The following RARB variants were observed in gnomAD, a reference collection of about 807,000 sequenced individuals.
The protein encoded by RARB is HBV-activated protein.
Under a neutral mutation model 51.9 loss-of-function variants are expected in RARB, and 17 were observed. The ratio of observed to expected loss-of-function variants is 0.33; its 90% confidence interval spans 0.22 to 0.49. The LOEUF (loss-of-function observed/expected upper bound fraction) is 0.49. Among genes scored for constraint, RARB ranks in the 20% least tolerant of loss-of-function variants. RARB has a pLI of 0.99. For missense variants in RARB, 369 were observed against 550.8 expected, an observed-to-expected ratio of 0.67 and a Z score of 3.30; for synonymous variants, 215 against 195.4, an observed-to-expected ratio of 1.10 and a Z score of -0.84.
intron 2 of RARB, among the ~76,000 whole-genome samples, chr3:25,492,340 G>A (rs1363696294): frequency 1.3e-5 from 2 of 152,124 alleles, no homozygotes; most frequent in Non-Finnish European, 2.9e-5. Context: ...CCTTACTATT[G>A]GTTTCCAGTT....
chr3:25,074,192 A>T (rs535707439), intron 3 of RARB, among the ~76,000 whole-genome samples: 1 of 152,356 alleles, frequency 6.6e-6, no homozygotes, highest in South Asian at 2.1e-4. Context: ...ACACAAAGGA[A>T]TAGTGTTTCC....
intron 2 of RARB, among the ~76,000 whole-genome samples, chr3:24,909,490 T>G (rs1323332853): frequency 6.6e-6 from 1 of 152,058 alleles, no homozygotes; most frequent in Non-Finnish European, 1.5e-5. Context: ...GCCTGTCTCC[T>G]ACGTTCCTCC....
At chr3:24,832,653 T>TATATA (rs1169669449) in intron 1 of RARB, among the ~76,000 whole-genome samples, 8 of 63,402 alleles carry the variant, frequency 1.3e-4, no homozygotes, top group African/African-American at 8.1e-4. Flanking sequence ...ATATATATAA[T>TATATA]GTCAATTAAA....
At chr3:24,977,255 G>T (rs529070486) in intron 2 of RARB, among the ~76,000 whole-genome samples, 7 of 152,134 alleles carry the variant, frequency 4.6e-5, no homozygotes, top group Admixed American at 1.3e-4. Flanking sequence ...CTCTTTTTTG[G>T]TTTCATATGA....
At chr3:25,168,623 A>G (rs1700596138) in intron 4 of RARB, among the ~76,000 whole-genome samples, 2 of 152,242 alleles carry the variant, frequency 1.3e-5, no homozygotes, top group African/African-American at 4.8e-5. Context: ...AAACTTTTAG[A>G]TGTTAAAAAT....
chr3:25,514,693 A>C lies in RARB; in HGVS notation c.448+13370A>C, dbSNP rs567285506. 2.0e-5 allele frequency among the ~76,000 whole-genome samples: 3 copies of C among 152,356 alleles called. No homozygotes were observed. The South Asian group carries it at 6.2e-4, about 32-fold the overall frequency. On this transcript the variant is annotated intron_variant, in intron 3 of 7. Transcript: ENST00000330688. The stretch of plus-strand genomic sequence containing the variant: ...TTAGCAACATTGTTTAAATCTTAAA[A>C]TAAAACTGAGGAACTTAACTAGTGT...
intron 5 of RARB, among the ~76,000 whole-genome samples, chr3:25,408,709 ACAGTGTATATGCCAC>A (rs1707481213): frequency 1.3e-5 from 2 of 152,132 alleles, no homozygotes; most frequent in South Asian, 4.1e-4. Flanking sequence ...TCAAGCAACA[ACAGTGTATATGCCAC>A]CATGGCACTT....
At position 24,921,135 on chromosome 3, in the gene RARB, AT is replaced by A. The variant is rs953490920; in HGVS notation, c.-380+62391del. ...TAGTATATGCTGAAAGAGAATTCTG[AT>A]TTTTTTTCAACGCTAGTACAAGCAG... is the stretch of plus-strand genomic sequence containing the variant. On this transcript the variant is annotated intron_variant, in intron 2 of 11. Transcript: ENST00000383772. 4.2e-4 allele frequency among the ~76,000 whole-genome samples: 64 copies of A among 151,990 alleles called. 1 individual carries two copies. The highest frequency in any genetic ancestry group is 1.5e-3 in the African/African-American group (62 of 41,470).
intron 5 of RARB, among the ~76,000 whole-genome samples, chr3:25,290,819 C>T (rs1002902630): frequency 1.6e-4 from 24 of 152,166 alleles, no homozygotes; most frequent in Admixed American, 1.4e-3. Flanking sequence ...GCTTTTCCCT[C>T]TCTCTCCCCT....
chr3:25,487,132 G>C (rs2125588161), intron 2 of RARB, among the ~76,000 whole-genome samples: 1 of 152,246 alleles, frequency 6.6e-6, no homozygotes, highest in Admixed American at 6.5e-5. Context: ...TCAGCTAACA[G>C]CTTCCTTAAG....
chr3:24,829,366 G>A (rs916656673), exon 1 of RARB, among the ~76,000 whole-genome samples: 3 of 152,060 alleles, frequency 2.0e-5, no homozygotes, highest in Non-Finnish European at 4.4e-5. Flanking sequence ...ACAGCCAGCG[G>A]GCGGCGCGCC....
rs569560442 is a variant in RARB at position 25,411,801 on chromosome 3, C to T, written c.179-49392C>T. On this transcript the variant is annotated intron_variant, in intron 5 of 11. Coordinates refer to the RARB transcript ENST00000383772. ...GGCTGGAAAGACAGTGACCCTTGGA[C>T]GTCCAGAGAGAAAGTCCCAGACTAC... Among the ~76,000 whole-genome samples, 8 of 152,256 alleles carry T rather than the reference C, an allele frequency of 5.3e-5. No individual in the cohort carries two copies. The East Asian group carries it at 5.8e-4, about 11-fold the overall frequency.
chr3:24,931,236 A>G (rs1695432416), intron 2 of RARB, among the ~76,000 whole-genome samples: 2 of 152,056 alleles, frequency 1.3e-5, no homozygotes, highest in Non-Finnish European at 2.9e-5. Context: ...TTTTTTAAAA[A>G]TATGTTTTAA....
intron 5 of RARB, among the ~76,000 whole-genome samples, chr3:25,239,450 CT>C (rs777380567): frequency 5.9e-5 from 9 of 152,076 alleles, no homozygotes; most frequent in Admixed American, 3.3e-4. Flanking sequence ...ATGTTTAAGT[CT>C]TTAATCCATC....
At chr3:25,340,027 T>G (rs1221835101) in intron 5 of RARB, among the ~76,000 whole-genome samples, 1 of 152,098 alleles carries the variant, frequency 6.6e-6, no homozygotes, top group African/African-American at 2.4e-5. Context: ...CATGGACATA[T>G]GAAAAAGAAG....
At position 25,016,736 on chromosome 3, in the gene RARB, G is replaced by T. The variant is rs148864168; in HGVS notation, c.-379-43389G>T. On this transcript the variant is annotated intron_variant, in intron 2 of 11. Transcript: ENST00000383772. ...TATAGCATTTCTTTTTTCCCCCCAG[G>T]ATATGCCAAGCCACAGAGACATAGT... 2.0e-5 allele frequency among the ~76,000 whole-genome samples: 3 copies of T among 151,936 alleles called. No homozygotes were observed. In the East Asian group the frequency reaches 5.8e-4, roughly 29 times the overall value.
At chr3:25,506,122 G>A (rs191303420) in intron 3 of RARB, among the ~76,000 whole-genome samples, 272 of 152,054 alleles carry the variant, frequency 1.8e-3, no homozygotes, top group Non-Finnish European at 3.2e-3. Context: ...GCATGGTAGC[G>A]CGCTCCTATA....
intron 5 of RARB, among the ~76,000 whole-genome samples, chr3:25,409,835 C>G (rs939489509): frequency 1.3e-5 from 2 of 152,160 alleles, no homozygotes; most frequent in Non-Finnish European, 2.9e-5. Flanking sequence ...GCCTTTTGTA[C>G]AATGGTGTCT....
At chr3:24,890,370 G>A (rs1433744020) in intron 2 of RARB, among the ~76,000 whole-genome samples, 2 of 152,178 alleles carry the variant, frequency 1.3e-5, no homozygotes, top group Non-Finnish European at 2.9e-5. Flanking sequence ...AGGGATTCCA[G>A]AAATTGAAGA....
Sources: allele counts gnomAD v4.1 joint callset (sites outside exome capture counted in the v4.1 genomes callset), GRCh38; gene constraint gnomAD v4.1.1; transcripts MANE v1.5; gene names NCBI Gene and HGNC (gene_info 2026-07-23, HGNC 2026-07-21).